The following PALS2 variants were observed in gnomAD, a reference collection of about 807,000 sequenced individuals.
PALS2 encodes the protein protein associated with LIN7 2, MAGUK p55 family member.
A neutral mutation model predicts 61.6 loss-of-function variants in PALS2; 27 were observed. The observed-to-expected ratio is 0.44, with a 90% CI of 0.32 to 0.60. PALS2 has a LOEUF of 0.60. PALS2 is among the 20% of genes least tolerant of loss of function. The probability of loss-of-function intolerance (pLI) is 0.05; values close to 1 mark genes in which losing one functional copy is unlikely to be tolerated. For synonymous variants in PALS2, 236 were observed against 218.6 expected, an observed-to-expected ratio of 1.08 and a Z score of -0.70; for missense variants, 554 against 639.4, an observed-to-expected ratio of 0.87 and a Z score of 1.44.
chr7:24,648,171 G>T (rs1320099979), intron 3 of PALS2, among the ~76,000 whole-genome samples: 2 of 151,366 alleles, frequency 1.3e-5, no homozygotes, highest in Non-Finnish European at 2.9e-5. Flanking sequence ...TCCCGAACCT[G>T]TTAATATTTG....
chr7:24,688,409 A>G lies in PALS2; in HGVS notation c.*795A>G, dbSNP rs1480173250. ...AGACTGAGAGAGTGCCTTATCCTGT[A>G]AAACCTTACAGCAAAATGACACTTG... On this transcript the variant is annotated 3_prime_UTR_variant, in exon 12 of 12. Transcript: ENST00000222644. 2.6e-5 allele frequency: 4 copies of G among 152,228 alleles called. No homozygotes were observed. Among genetic ancestry groups the G allele is most frequent in the Admixed American group, 2.6e-4 (4 of 15,288 alleles). The allele number at this position is 152,228 out of a possible 1,614,324, so 9.4% of individuals were successfully genotyped here.
At chr7:24,593,410 C>T (rs1280098794) in intron 1 of PALS2, among the ~76,000 whole-genome samples, 1 of 152,102 alleles carries the variant, frequency 6.6e-6, no homozygotes, top group African/African-American at 2.4e-5. Flanking sequence ...TTGACCTTCT[C>T]CCATGAATCA....
intron 1 of PALS2, among the ~76,000 whole-genome samples, chr7:24,605,318 C>G (rs1783857786): frequency 6.6e-6 from 1 of 152,108 alleles, no homozygotes; most frequent in South Asian, 2.1e-4. Flanking sequence ...AAACAACTGC[C>G]ATGTTCCTCA....
At chr7:24,611,837 G>T (rs971807329) in intron 1 of PALS2, among the ~76,000 whole-genome samples, 1 of 151,848 alleles carries the variant, frequency 6.6e-6, no homozygotes, top group Non-Finnish European at 1.5e-5. Flanking sequence ...TGGGAGTGGT[G>T]CAAATTGAAT....
intron 2 of PALS2, among the ~76,000 whole-genome samples, chr7:24,625,793 C>T (rs1400045959): frequency 6.6e-6 from 1 of 151,944 alleles, no homozygotes; most frequent in Non-Finnish European, 1.5e-5. Context: ...AAGAGTTATC[C>T]AATAATATGC....
rs1310044823 is a variant in PALS2, at chr7:24,573,757, A to AGGCGGCGGC, written c.-3+172_-3+180dup. Reference sequence around the variant, plus strand: ...GCGGGCGCGGGGAAGAGGGACCGGCAGGCGGCGGCGGCGGCGCCGCGGTCG... The same window carrying AGGCGGCGGC: ...GCGGGCGCGGGGAAGAGGGACCGGCAGGCGGCGGCGGCGGCGGCGGCGGCGCCGCGGTCG... On this transcript the variant is annotated intron_variant, in intron 1 of 11. Transcript: ENST00000222644. This position sits in a 1 kb window ranked among gnomAD's most constrained non-coding sequence, Gnocchi z 5.3. Among the ~76,000 whole-genome samples the AGGCGGCGGC allele has an allele frequency of 9.1e-5, 13 of 143,504 alleles. 1 individual carries two copies. The highest frequency in any genetic ancestry group is 6.9e-4 in the Admixed American group (10 of 14,594). The allele number at this position is 143,504 out of a possible 152,430, so 94.1% of individuals were successfully genotyped here.
Position 24,692,356 on chromosome 7 carries a change from T to G in PALS2, c.*4742T>G, listed in dbSNP as rs1788515504. The G allele has an allele frequency of 6.6e-6, 1 of 152,224 alleles. No individual in the cohort carries two copies. The highest frequency in any genetic ancestry group is 2.1e-4 in the South Asian group (1 of 4,830). 9.4% of individuals were successfully genotyped at this position (152,224 alleles called of 1,614,324 possible). A position where few individuals can be genotyped will look rare whatever the true frequency, so the allele number is the denominator to read the frequency against. On this transcript the variant is annotated 3_prime_UTR_variant, in exon 12 of 12. Coordinates refer to ENST00000222644, the MANE Select transcript of PALS2 (RefSeq NM_001303037.2). The stretch of plus-strand genomic sequence containing the variant: ...TCTTCGATGAAATTTATATTTCCCT[T>G]TATCATTACTATTCTACTTGTTAAG...
intron 2 of PALS2, among the ~76,000 whole-genome samples, chr7:24,633,350 GTTTTTTT>G: frequency 9.4e-6 from 1 of 106,244 alleles, no homozygotes; most frequent in African/African-American, 3.5e-5. Context: ...GGTTGGTGGA[GTTTTTTT>G]TTTTTTTTTT....
At chr7:24,616,516 A>G (rs1197363815) in intron 1 of PALS2, among the ~76,000 whole-genome samples, 1 of 152,126 alleles carries the variant, frequency 6.6e-6, no homozygotes, top group African/African-American at 2.4e-5. Context: ...TACATGGAAT[A>G]TCTTTTTTCA....
chr7:24,605,001 G>A (rs1783847350), intron 1 of PALS2, among the ~76,000 whole-genome samples: 1 of 152,152 alleles, frequency 6.6e-6, no homozygotes, highest in Non-Finnish European at 1.5e-5. Flanking sequence ...GAATAAATGT[G>A]CCTCATTTTT....
chr7:24,684,438 C>G (rs751255254), intron 11 of PALS2, among the ~76,000 whole-genome samples: 7 of 152,106 alleles, frequency 4.6e-5, no homozygotes, highest in Non-Finnish European at 7.4e-5. Flanking sequence ...GCTTCTGAGT[C>G]TTTTTAACAT....
At chr7:24,628,201 G>A (rs1466010309) in intron 2 of PALS2, among the ~76,000 whole-genome samples, 1 of 152,198 alleles carries the variant, frequency 6.6e-6, no homozygotes, top group Non-Finnish European at 1.5e-5. Flanking sequence ...TGGGATGCAA[G>A]GCAGGTTCAA....
chr7:24,628,786 A>C (rs1285174891), intron 2 of PALS2, among the ~76,000 whole-genome samples: 1 of 152,212 alleles, frequency 6.6e-6, no homozygotes, highest in African/African-American at 2.4e-5. Flanking sequence ...ACAACTTACA[A>C]GGGATGTGAA....
chr7:24,635,435 T>A (rs1046558816), intron 2 of PALS2, among the ~76,000 whole-genome samples: 5 of 152,212 alleles, frequency 3.3e-5, no homozygotes, highest in Non-Finnish European at 7.4e-5. Flanking sequence ...TATTTTTTTA[T>A]TCAAATAGTC....
chr7:24,641,881 A>G lies in PALS2; in HGVS notation c.270+13A>G, dbSNP rs777407329. ...ACCTCACTTCCAGGTAACTTTCCCT[A>G]TCACTCAACTCTCAAGTTCCCTGTA... On this transcript the variant is annotated intron_variant, in intron 3 of 11. Coordinates refer to ENST00000222644, the MANE Select transcript of PALS2 (RefSeq NM_001303037.2). The G allele has an allele frequency of 1.9e-5, 30 of 1,609,472 alleles. No homozygotes were observed. The highest frequency in any genetic ancestry group is 6.7e-5 in the East Asian group (3 of 44,700).
rs188038956 is a variant in PALS2, at chr7:24,594,300, A to C, written c.-3+20707A>C. ...ACTGGTTTGATCTCCAGACCACTCA[A>C]ACTTTCCCCATATCATCAATAATGC... On this transcript the variant is annotated intron_variant, in intron 1 of 11. Transcript: ENST00000222644. 3.3e-5 allele frequency among the ~76,000 whole-genome samples: 5 copies of C among 152,190 alleles called. No individual in the cohort carries two copies. The South Asian group carries it at 6.2e-4, about 19-fold the overall frequency.
chr7:24,619,178 T>C (rs1256040918), intron 1 of PALS2, among the ~76,000 whole-genome samples: 2 of 152,208 alleles, frequency 1.3e-5, no homozygotes, highest in African/African-American at 2.4e-5. Context: ...CCTTTTTTAA[T>C]GGGAGTATTC....
chr7:24,620,405 T>A (rs150443955), intron 1 of PALS2, among the ~76,000 whole-genome samples: 1 of 152,066 alleles, frequency 6.6e-6, no homozygotes, highest in African/African-American at 2.4e-5. Context: ...TTGAGAATGA[T>A]TGACAGCATT....
At chr7:24,668,688 G>A in intron 9 of PALS2, 28 bp downstream of exon 9, 5 of 1,610,126 alleles carry the variant, frequency 3.1e-6, no homozygotes, top group Non-Finnish European at 4.2e-6. Flanking sequence ...TCCTTGCTAT[G>A]CAATTGGCAG....
Sources: allele counts gnomAD v4.1 joint callset (sites outside exome capture counted in the v4.1 genomes callset), GRCh38; gene constraint gnomAD v4.1.1; non-coding constraint Gnocchi (gnomAD v3.1); transcripts MANE v1.5; gene names NCBI Gene and HGNC (gene_info 2026-07-23, HGNC 2026-07-21).